Variants in DNAH12 observed in about 807,000 individuals in gnomAD.
The protein encoded by DNAH12 is axonemal beta dynein heavy chain 12.
DNAH12 carries 285 observed loss-of-function variants against 371.5 expected under a neutral mutation model. The observed-to-expected ratio is 0.77, with a 90% confidence interval of 0.70 to 0.85. The LOEUF (loss-of-function observed/expected upper bound fraction) is 0.85. DNAH12 is among the 40% of genes least tolerant of loss of function. The pLI is 0.00. For missense variants in DNAH12, 3,611 were observed against 3,689.4 expected, an observed-to-expected ratio of 0.98 and a Z score of 0.55; for synonymous variants, 1,200 against 1,213.0, an observed-to-expected ratio of 0.99 and a Z score of 0.22.
At chr3:57,540,303 G>C (rs1448221095) in intron 2 of DNAH12, among the ~76,000 whole-genome samples, 1 of 150,216 alleles carries the variant, frequency 6.7e-6, no homozygotes, top group East Asian at 2.0e-4. Flanking sequence ...CACCTGCCTC[G>C]GCCTCCCAAA....
At chr3:57,349,620 A>AT (rs1252184945) in intron 60 of DNAH12, among the ~76,000 whole-genome samples, 3 of 152,246 alleles carry the variant, frequency 2.0e-5, no homozygotes, top group Admixed American at 1.3e-4. Flanking sequence ...ATACCACAAA[A>AT]TACTACTCAG....
At chr3:57,319,393 G>T (rs950755618) in intron 65 of DNAH12, among the ~76,000 whole-genome samples, 2 of 152,114 alleles carry the variant, frequency 1.3e-5, no homozygotes, top group Non-Finnish European at 2.9e-5. Flanking sequence ...TTCAGTCTAG[G>T]ACTTCCAGTC....
upstream of DNAH12, chr3:57,544,382 A>G (rs1228109533): frequency 3.3e-5 from 5 of 152,216 alleles, no homozygotes; most frequent in Admixed American, 6.5e-5. Context: ...GTCGCCATGG[A>G]AACTGTGGCG....
Position 57,395,124 on chromosome 3 carries a change from A to G in DNAH12, c.6949-792T>C, listed in dbSNP as rs992753389. Reference sequence around the variant, plus strand: ...TATGTTACTATTATCTATGCTCTGGAAAGTTTTTCAAGTTATTGTATCAAT... The same window carrying G: ...TATGTTACTATTATCTATGCTCTGGGAAGTTTTTCAAGTTATTGTATCAAT... On this transcript the variant is annotated intron_variant, in intron 43 of 73. Coordinates refer to ENST00000495027, the MANE Select transcript of DNAH12 (RefSeq NM_001366028.2). Among the ~76,000 whole-genome samples the G allele has an allele frequency of 7.3e-5, 11 of 151,670 alleles. No homozygotes were observed. In the East Asian group the frequency reaches 1.7e-3, roughly 24 times the overall value.
the DNAH12 span, among the ~76,000 whole-genome samples, chr3:57,549,615 C>A: frequency 9.9e-5 from 15 of 152,088 alleles, no homozygotes; most frequent in African/African-American, 3.1e-4. Context: ...TGAACAAAAT[C>A]TTTTACTATA....
chr3:57,417,209 C>CGAGCTGAG (rs1398599582), intron 37 of DNAH12, among the ~76,000 whole-genome samples: 5 of 152,088 alleles, frequency 3.3e-5, no homozygotes, highest in African/African-American at 1.2e-4. Flanking sequence ...GAGATTGTGC[C>CGAGCTGAG]ATTGCACTCC....
At chr3:57,527,352 A>T (rs1295480936) in intron 2 of DNAH12, among the ~76,000 whole-genome samples, 1 of 152,190 alleles carries the variant, frequency 6.6e-6, no homozygotes, top group East Asian at 1.9e-4. Context: ...AACAAAGGAA[A>T]TTTTTTAAAA....
chr3:57,374,115 T>C lies in DNAH12; in HGVS notation c.8759+1256A>G, dbSNP rs947309980. 8.3e-4 allele frequency among the ~76,000 whole-genome samples: 126 copies of C among 152,306 alleles called. 1 individual carries two copies. Among genetic ancestry groups the C allele is most frequent in the South Asian group, 3.3e-3 (16 of 4,828 alleles). On this transcript the variant is annotated intron_variant, in intron 55 of 73. Coordinates refer to ENST00000495027, the MANE Select transcript of DNAH12 (RefSeq NM_001366028.2). The stretch of plus-strand genomic sequence containing the variant: ...TATTCTACAATTCACTCCAGCATAG[T>C]AATTAAGGGCAAGGATTTGAAAGTC...
intron 55 of DNAH12, among the ~76,000 whole-genome samples, chr3:57,372,565 A>ATTG (rs2063198290): frequency 2.0e-5 from 3 of 152,090 alleles, no homozygotes; most frequent in African/African-American, 7.2e-5. Flanking sequence ...ACAGCACAAA[A>ATTG]GACAGAAAAG....
chr3:57,448,224 T>C (rs1380849029), intron 25 of DNAH12, among the ~76,000 whole-genome samples: 3 of 152,300 alleles, frequency 2.0e-5, no homozygotes, highest in South Asian at 2.1e-4. Flanking sequence ...GTTTGTTCCT[T>C]CTGATGGTCG....
chr3:57,296,612 A>G (rs1186033051), intron 71 of DNAH12, among the ~76,000 whole-genome samples, 177 bp from the exon 72 acceptor site: 2 of 152,240 alleles, frequency 1.3e-5, no homozygotes, highest in Admixed American at 6.5e-5. Flanking sequence ...TTCTTTTTGA[A>G]GTATTTTATC....
intron 59 of DNAH12, among the ~76,000 whole-genome samples, chr3:57,356,793 G>C (rs2062811839): frequency 6.6e-6 from 1 of 151,942 alleles, no homozygotes; most frequent in Non-Finnish European, 1.5e-5. Flanking sequence ...AGGCTGGAGT[G>C]CGGGGGTGCC....
At chr3:57,534,038 C>T (rs2068941374) in intron 2 of DNAH12, among the ~76,000 whole-genome samples, 1 of 152,222 alleles carries the variant, frequency 6.6e-6, no homozygotes, top group Admixed American at 6.5e-5. Flanking sequence ...AAGTTCTGAT[C>T]ACTGGGATGT....
At position 57,453,405 on chromosome 3, in the gene DNAH12, T is replaced by C. The variant is rs1003437555; in HGVS notation, c.3457-2A>G. 2.6e-6 allele frequency: 4 copies of C among 1,517,166 alleles called. No individual in the cohort carries two copies. The African/African-American group carries it at 5.7e-5, about 22-fold the overall frequency. The allele number at this position is 1,517,166 out of a possible 1,614,324, so 94.0% of individuals were successfully genotyped here. Reference sequence around the variant, plus strand: ...TTCCTTATAATACTTCTTTAATCCCTACAAAATAAAAAAAAAAGCAATCTA... The same window carrying C: ...TTCCTTATAATACTTCTTTAATCCCCACAAAATAAAAAAAAAAGCAATCTA... On this transcript the variant is annotated splice_acceptor_variant, in intron 23 of 73. Coordinates refer to ENST00000495027, the MANE Select transcript of DNAH12 (RefSeq NM_001366028.2). LOFTEE classifies it high-confidence loss of function.
intron 59 of DNAH12, 131 bp from the exon 60 acceptor site, chr3:57,352,356 G>A: frequency 1.0e-6 from 1 of 979,692 alleles, no homozygotes; most frequent in Non-Finnish European, 1.4e-6. Flanking sequence ...CACACACGAG[G>A]GCATGTAAAA....
intron 65 of DNAH12, among the ~76,000 whole-genome samples, chr3:57,319,017 C>T (rs1466061295): frequency 6.6e-6 from 1 of 151,984 alleles, no homozygotes; most frequent in African/African-American, 2.4e-5. Context: ...GATATTTTTC[C>T]ATGTTCATGT....
At chr3:57,446,479 A>G in intron 26 of DNAH12, 58 bp downstream of exon 26, 16 of 1,482,420 alleles carry the variant, frequency 1.1e-5, no homozygotes, top group Non-Finnish European at 1.3e-5. Context: ...CATTTATCCA[A>G]TTAGACCTAG....
chr3:57,373,504 T>C (rs2063220325), intron 55 of DNAH12, among the ~76,000 whole-genome samples: 1 of 151,506 alleles, frequency 6.6e-6, no homozygotes, highest in African/African-American at 2.4e-5. Context: ...TTTTGTATTT[T>C]CAGTAGAGGT....
intron 59 of DNAH12, among the ~76,000 whole-genome samples, chr3:57,355,139 C>T (rs1005669852): frequency 1.1e-4 from 16 of 152,192 alleles, no homozygotes; most frequent in Non-Finnish European, 2.2e-4. Flanking sequence ...GTAAAAGGTA[C>T]ATGAGATCTT....
Sources: gnomAD v4.1 joint callset for allele counts (sites outside exome capture counted in the v4.1 genomes callset) on GRCh38, gnomAD v4.1.1 for gene constraint, MANE v1.5 for transcripts, NCBI Gene and HGNC (gene_info 2026-07-23, HGNC 2026-07-21) for gene names.